The following RBPJ variants were observed in gnomAD, a reference collection of about 807,000 sequenced individuals.
RBPJ encodes recombining binding protein suppressor of hairless.
RBPJ carries 9 observed loss-of-function variants against 67.8 expected under a neutral mutation model. The ratio of observed to expected loss-of-function variants is 0.13; its 90% CI spans 0.08 to 0.23. The LOEUF (loss-of-function observed/expected upper bound fraction) is 0.23, where lower values mean the gene tolerates loss of function less well. Among genes scored for constraint, RBPJ ranks in the 10% least tolerant of loss-of-function variants. RBPJ has a pLI of 1.00. For missense variants in RBPJ, 305 were observed against 595.6 expected (o/e 0.51, Z 5.08); for synonymous variants, 198 against 203.3 (o/e 0.97, Z 0.22).
At chr4:26,222,370 C>G (rs752291534) in intron 1 of RBPJ, among the ~76,000 whole-genome samples, 1 of 151,572 alleles carries the variant, frequency 6.6e-6, no homozygotes, top group Non-Finnish European at 1.5e-5. Context: ...TGGCGGCCGC[C>G]TATAATCCCA....
chr4:26,245,795 T>C (rs1719909939), intron 1 of RBPJ, among the ~76,000 whole-genome samples: 1 of 152,232 alleles, frequency 6.6e-6, no homozygotes. Context: ...TATGTAGTTG[T>C]TGAAGCATCA....
Position 26,431,906 on chromosome 4 carries a change from T to C in RBPJ, c.*899T>C, listed in dbSNP as rs553381355. The C allele has an allele frequency of 9.8e-5, 15 of 152,310 alleles. No homozygotes were observed. The highest frequency in any genetic ancestry group is 2.0e-4 in the Admixed American group (3 of 15,304). 9.4% of individuals were successfully genotyped at this position (152,310 alleles called of 1,614,324 possible). A position where few individuals can be genotyped will look rare whatever the true frequency, so the allele number is the denominator to read the frequency against. ...ATTCACATGCAATTTGGTGTGGCCA[T>C]TTAGCTATTAATGAGTTAATGGCGC... On this transcript the variant is annotated 3_prime_UTR_variant, in exon 11 of 11. Transcript: ENST00000355476.
the RBPJ span, among the ~76,000 whole-genome samples, chr4:26,156,482 G>A: frequency 1.6e-4 from 23 of 142,024 alleles, no homozygotes; most frequent in East Asian, 2.8e-3. Flanking sequence ...ACAGTGGTGC[G>A]ATCTCAGCTC....
At chr4:26,155,500 T>C in the RBPJ span, among the ~76,000 whole-genome samples, 2 of 150,660 alleles carry the variant, frequency 1.3e-5, no homozygotes, top group Admixed American at 6.7e-5. Flanking sequence ...AGTGGCACGA[T>C]CTCAGCTCGC....
At chr4:26,380,961 C>T (rs1033184667) in intron 1 of RBPJ, among the ~76,000 whole-genome samples, 5 of 149,412 alleles carry the variant, frequency 3.3e-5, no homozygotes, top group Admixed American at 6.7e-5. Flanking sequence ...CTATGTTTTT[C>T]GAATCAAAGT....
the RBPJ span, among the ~76,000 whole-genome samples, chr4:26,150,603 G>A: frequency 4.0e-5 from 6 of 151,792 alleles, no homozygotes; most frequent in Admixed American, 6.6e-5. Flanking sequence ...TTTCCCATCC[G>A]AAAAAAAGGG....
chr4:26,290,641 G>A lies in RBPJ; in HGVS notation c.-166-71805G>A, dbSNP rs954788377. Reference sequence around the variant, plus strand: ...GAAGAAAAAAGAAAAGTTAAGGCAGGTGTGAGCAGCTGTCCAGTTCTGCCA... The same window carrying A: ...GAAGAAAAAAGAAAAGTTAAGGCAGATGTGAGCAGCTGTCCAGTTCTGCCA... On this transcript the variant is annotated intron_variant, in intron 1 of 4. Transcript: ENST00000512351. Among the ~76,000 whole-genome samples the A allele has an allele frequency of 2.7e-5, 4 of 150,902 alleles. 1 individual carries two copies. In the East Asian group the frequency reaches 5.9e-4, roughly 22 times the overall value.
At chr4:26,308,812 A>C (rs147373799) in intron 1 of RBPJ, among the ~76,000 whole-genome samples, 1 of 152,332 alleles carries the variant, frequency 6.6e-6, no homozygotes, top group Non-Finnish European at 1.5e-5. Context: ...CAAAGAGTGA[A>C]ACCTTTCTGG....
At chr4:26,237,420 A>G (rs564052365) in intron 1 of RBPJ, among the ~76,000 whole-genome samples, 2 of 152,216 alleles carry the variant, frequency 1.3e-5, no homozygotes, top group Non-Finnish European at 2.9e-5. Context: ...GAAGCCTCAC[A>G]GTGCATATTT....
At chr4:26,341,077 T>C (rs1050463147) in intron 1 of RBPJ, among the ~76,000 whole-genome samples, 3 of 151,998 alleles carry the variant, frequency 2.0e-5, no homozygotes, top group Non-Finnish European at 4.4e-5. Context: ...AACATATTAA[T>C]AGTAGTTAAA....
chr4:26,139,167 A>G, the RBPJ span, among the ~76,000 whole-genome samples: 1 of 152,212 alleles, frequency 6.6e-6, no homozygotes, highest in African/African-American at 2.4e-5. Context: ...TCTGGTTCCA[A>G]CACATTCCAG....
At chr4:26,410,983 T>C (rs552634562) in intron 3 of RBPJ, among the ~76,000 whole-genome samples, 20 of 152,354 alleles carry the variant, frequency 1.3e-4, no homozygotes, top group Admixed American at 7.2e-4. Context: ...AGGATATCTT[T>C]TTATAGCAGC....
intron 2 of RBPJ, among the ~76,000 whole-genome samples, chr4:26,388,426 A>G (rs1731139134): frequency 1.3e-5 from 2 of 152,214 alleles, no homozygotes; most frequent in African/African-American, 2.4e-5. Flanking sequence ...CATACTACTC[A>G]CTTCTGTTGT....
At chr4:26,154,131 G>A in the RBPJ span, among the ~76,000 whole-genome samples, 7 of 152,206 alleles carry the variant, frequency 4.6e-5, no homozygotes, top group East Asian at 1.4e-3. Context: ...GACAAACAAA[G>A]ATACAAAGAG....
chr4:26,168,985 A>T (rs1038227824), intron 1 of RBPJ, among the ~76,000 whole-genome samples: 2 of 152,208 alleles, frequency 1.3e-5, no homozygotes, highest in Non-Finnish European at 2.9e-5. Flanking sequence ...AATATTTTTC[A>T]AAGTTTTCAA....
intron 1 of RBPJ, among the ~76,000 whole-genome samples, chr4:26,255,332 A>G (rs1409683010): frequency 3.7e-5 from 4 of 107,062 alleles, no homozygotes; most frequent in African/African-American, 9.2e-5. Flanking sequence ...TGAACCCAGG[A>G]GGCGGAGCTT....
At position 26,433,652 on chromosome 4, in the gene RBPJ, A is replaced by C. The variant is rs1158871740; in HGVS notation, c.*2645A>C. ...TGTACTTATACAGGCATTTTTCCCC[A>C]CCTATTTTTGGCCATTCTCATACCA... is the stretch of plus-strand genomic sequence containing the variant. On this transcript the variant is annotated 3_prime_UTR_variant, in exon 11 of 11. Coordinates refer to ENST00000355476, the MANE Select transcript of RBPJ (RefSeq NM_015874.6). The C allele has an allele frequency of 6.6e-6, 1 of 151,928 alleles. No homozygotes were observed. Among genetic ancestry groups the C allele is most frequent in the Non-Finnish European group, 1.5e-5 (1 of 67,966 alleles). The allele number at this position is 151,928 out of a possible 1,614,324, so 9.4% of individuals were successfully genotyped here. A position where few individuals can be genotyped will look rare whatever the true frequency, so the allele number is the denominator to read the frequency against.
At chr4:26,423,224 G>A (rs1352391888) in intron 5 of RBPJ, among the ~76,000 whole-genome samples, 1 of 152,204 alleles carries the variant, frequency 6.6e-6, no homozygotes, top group Non-Finnish European at 1.5e-5. Flanking sequence ...GACACTTGGG[G>A]ATGAAGCAGA....
At chr4:26,290,813 G>A (rs1721642264) in intron 1 of RBPJ, among the ~76,000 whole-genome samples, 1 of 150,642 alleles carries the variant, frequency 6.6e-6, no homozygotes, top group South Asian at 2.1e-4. Context: ...TAATATTACA[G>A]TACTTATAAA....
Sources: allele counts gnomAD v4.1 joint callset (sites outside exome capture counted in the v4.1 genomes callset), GRCh38; gene constraint gnomAD v4.1.1; transcripts MANE v1.5; gene names NCBI Gene and HGNC (gene_info 2026-07-23, HGNC 2026-07-21).